NRG1: variants seen among roughly 807,000 people sequenced by gnomAD.
NRG1 encodes pro-neuregulin-1, membrane-bound isoform.
A neutral mutation model predicts 63.8 loss-of-function variants in NRG1; 18 were observed. The ratio of observed to expected loss-of-function variants is 0.28; its 90% CI spans 0.19 to 0.42. The LOEUF (loss-of-function observed/expected upper bound fraction) is 0.42. Among genes scored for constraint, NRG1 ranks in the 10% least tolerant of loss-of-function variants. NRG1 has a pLI of 1.00. For missense variants in NRG1, 762 were observed against 814.7 expected (o/e 0.94, Z 0.79); for synonymous variants, 302 against 301.3 (o/e 1.00, Z -0.02).
intron 1 of NRG1, among the ~76,000 whole-genome samples, chr8:32,575,112 C>T (rs565853020): frequency 2.4e-4 from 37 of 152,168 alleles, no homozygotes; most frequent in Non-Finnish European, 4.7e-4. Context: ...ACCTCTTCTT[C>T]TAACTCCAGC....
chr8:32,323,783 G>A (rs1801688167), intron 1 of NRG1, among the ~76,000 whole-genome samples: 1 of 152,300 alleles, frequency 6.6e-6, no homozygotes, highest in African/African-American at 2.4e-5. Context: ...GGAGTCAAAG[G>A]GTTGGTTTTG....
At chr8:32,476,355 ATCAG>A (rs1824516790) in intron 1 of NRG1, among the ~76,000 whole-genome samples, 1 of 152,216 alleles carries the variant, frequency 6.6e-6, no homozygotes, top group Admixed American at 6.5e-5. Context: ...TGCACAAGCT[ATCAG>A]TTAATTTATT....
chr8:31,913,067 A>T (rs1242016181), intron 1 of NRG1, among the ~76,000 whole-genome samples: 1 of 152,166 alleles, frequency 6.6e-6, no homozygotes, highest in Non-Finnish European at 1.5e-5. Context: ...TAGAAAGTGG[A>T]TATCACTCCT....
At chr8:32,576,405 T>C (rs1250224244) in intron 1 of NRG1, among the ~76,000 whole-genome samples, 2 of 152,218 alleles carry the variant, frequency 1.3e-5, no homozygotes, top group African/African-American at 4.8e-5. Flanking sequence ...GTGCTAACAA[T>C]TTGAGCCTTG....
intron 1 of NRG1, among the ~76,000 whole-genome samples, chr8:32,480,414 A>G (rs1242851651): frequency 6.6e-6 from 1 of 150,496 alleles, no homozygotes; most frequent in Non-Finnish European, 1.5e-5. Flanking sequence ...AAAATAATGT[A>G]TGGTACATCT....
intron 1 of NRG1, among the ~76,000 whole-genome samples, chr8:32,128,954 A>G (rs769366278): frequency 3.2e-4 from 48 of 151,834 alleles, no homozygotes; most frequent in Non-Finnish European, 4.9e-4. Context: ...TTTCTAGGCT[A>G]ACTCCTACTC....
At chr8:31,907,459 T>C (rs1832620000) in intron 1 of NRG1, among the ~76,000 whole-genome samples, 1 of 151,868 alleles carries the variant, frequency 6.6e-6, no homozygotes, top group African/African-American at 2.4e-5. Context: ...TCTCGAGAGT[T>C]ATAGAAAACC....
intron 1 of NRG1, among the ~76,000 whole-genome samples, chr8:32,108,470 A>G (rs1178172225): frequency 6.6e-6 from 1 of 152,196 alleles, no homozygotes; most frequent in Non-Finnish European, 1.5e-5. Context: ...AGAGGCCTTA[A>G]TCGCATTCGT....
chr8:31,643,426 GGTTGA>G (rs1457610617), intron 1 of NRG1, among the ~76,000 whole-genome samples: 1 of 152,164 alleles, frequency 6.6e-6, no homozygotes, highest in African/African-American at 2.4e-5. Flanking sequence ...TTAGCCTTAG[GGTTGA>G]GTTAATAAAA....
At chr8:31,722,020 T>A (rs938166086) in intron 1 of NRG1, among the ~76,000 whole-genome samples, 4 of 152,212 alleles carry the variant, frequency 2.6e-5, no homozygotes, top group Admixed American at 6.6e-5. Flanking sequence ...TTCCAAACTT[T>A]CCTTTCCATC....
At chr8:31,768,405 T>A (rs1183292864) in intron 1 of NRG1, among the ~76,000 whole-genome samples, 1 of 152,202 alleles carries the variant, frequency 6.6e-6, no homozygotes, top group Non-Finnish European at 1.5e-5. Flanking sequence ...ATCCACCTTA[T>A]CTTGAGTTGC....
chr8:32,695,171 A>T (rs1812933907), intron 5 of NRG1, among the ~76,000 whole-genome samples: 3 of 151,998 alleles, frequency 2.0e-5, no homozygotes, highest in Non-Finnish European at 4.4e-5. Flanking sequence ...CCTAGGCAAC[A>T]AGAACAACAA....
chr8:32,597,187 G>C (rs1843506072), intron 2 of NRG1, among the ~76,000 whole-genome samples: 2 of 152,034 alleles, frequency 1.3e-5, no homozygotes, highest in Admixed American at 6.5e-5. Flanking sequence ...CATCTCACAG[G>C]GTTCCAGTGA....
At chr8:32,042,961 AGTGT>A (rs111850977) in intron 1 of NRG1, among the ~76,000 whole-genome samples, 2 of 140,006 alleles carry the variant, frequency 1.4e-5, no homozygotes, top group South Asian at 2.4e-4. Flanking sequence ...GAAAGAGTGC[AGTGT>A]GTGTGTGTGT....
At chr8:31,909,863 G>T (rs1242539670) in intron 1 of NRG1, among the ~76,000 whole-genome samples, 2 of 152,136 alleles carry the variant, frequency 1.3e-5, no homozygotes, top group African/African-American at 2.4e-5. Flanking sequence ...AATGTCCTTT[G>T]GTGCTTCTTT....
chr8:32,537,195 C>CAAAAAAAAA (rs71208193), intron 1 of NRG1, among the ~76,000 whole-genome samples: 59 of 43,798 alleles, frequency 1.3e-3, no homozygotes, highest in South Asian at 2.9e-3. Flanking sequence ...GACTCCATCT[C>CAAAAAAAAA]AAAAAAAAAA....
rs527920668 is a variant in NRG1, at chr8:31,736,787, C to T, written c.37+97356C>T. 3.3e-5 allele frequency among the ~76,000 whole-genome samples: 5 copies of T among 152,196 alleles called. No homozygotes were observed. The East Asian group carries it at 9.7e-4, about 29-fold the overall frequency. On this transcript the variant is annotated intron_variant, in intron 1 of 10. Transcript: ENST00000519301. ...AATATTTTCTATGGCAAGGCCATTC[C>T]TCATTATATATAACTCAAGTAGATA...
intron 1 of NRG1, among the ~76,000 whole-genome samples, chr8:32,043,192 G>GA (rs1201780755): frequency 2.6e-5 from 4 of 151,172 alleles, no homozygotes; most frequent in South Asian, 2.1e-4. Context: ...AAAAAAGCCT[G>GA]AAAAAAAATG....
At chr8:32,478,922 G>T (rs1175672542) in intron 1 of NRG1, among the ~76,000 whole-genome samples, 1 of 152,186 alleles carries the variant, frequency 6.6e-6, no homozygotes, top group Non-Finnish European at 1.5e-5. Context: ...TATCTCCAGT[G>T]CTACCTGTTT....
Sources: gnomAD v4.1 joint callset for allele counts (sites outside exome capture counted in the v4.1 genomes callset) on GRCh38, gnomAD v4.1.1 for gene constraint, MANE v1.5 for transcripts, NCBI Gene and HGNC (gene_info 2026-07-23, HGNC 2026-07-21) for gene names.